Variants in SAMMSON observed in about 807,000 individuals in gnomAD.
SAMMSON encodes the protein survival associated mitochondrial melanoma specific oncogenic non-coding RNA.
chr3:70,393,301 A>T (rs1701064758), downstream of SAMMSON, among the ~76,000 whole-genome samples: 1 of 152,232 alleles, frequency 6.6e-6, no homozygotes, highest in Non-Finnish European at 1.5e-5. Flanking sequence ...AAACTCTATG[A>T]GCCTCCATTT....
chr3:70,006,244 C>T (rs2066925905), intron 1 of SAMMSON, among the ~76,000 whole-genome samples: 1 of 152,176 alleles, frequency 6.6e-6, no homozygotes, highest in African/African-American at 2.4e-5. Context: ...GTAATAAAAA[C>T]CTCAAATGCT....
At chr3:70,187,815 G>A (rs1701103314) in intron 4 of SAMMSON, among the ~76,000 whole-genome samples, 1 of 152,130 alleles carries the variant, frequency 6.6e-6, no homozygotes, top group African/African-American at 2.4e-5. Flanking sequence ...TTGCTCTGCA[G>A]TGTGGTGCTT....
intron 6 of SAMMSON, among the ~76,000 whole-genome samples, chr3:70,289,847 T>C (rs1234652265): frequency 2.3e-4 from 35 of 152,128 alleles, no homozygotes; most frequent in African/African-American, 6.7e-4. Context: ...TCCAGTTGAT[T>C]GCATCGGCTC....
At chr3:70,136,933 AAG>A (rs1210929136) in intron 4 of SAMMSON, among the ~76,000 whole-genome samples, 2 of 152,214 alleles carry the variant, frequency 1.3e-5, no homozygotes, top group East Asian at 1.9e-4. Context: ...ACATTTCAAT[AAG>A]AGTCTTTATG....
At chr3:70,148,849 A>T (rs1478240855) in intron 4 of SAMMSON, among the ~76,000 whole-genome samples, 1 of 152,078 alleles carries the variant, frequency 6.6e-6, no homozygotes, top group African/African-American at 2.4e-5. Context: ...GGGGGAACAA[A>T]TATCCAAATG....
intron 4 of SAMMSON, among the ~76,000 whole-genome samples, chr3:70,167,165 G>T (rs79754750): frequency 6.6e-6 from 1 of 151,714 alleles, no homozygotes; most frequent in Non-Finnish European, 1.5e-5. Context: ...TACTGTACAC[G>T]TTATATTTTA....
intron 4 of SAMMSON, among the ~76,000 whole-genome samples, chr3:70,208,859 T>G (rs1021327769): frequency 6.6e-6 from 1 of 152,120 alleles, no homozygotes; most frequent in Admixed American, 6.6e-5. Context: ...ATTCTCTTCC[T>G]TTTATGTGCT....
At chr3:69,999,778 G>C (rs1228053679), upstream of SAMMSON, 1 of 152,428 alleles carries the variant, frequency 6.6e-6, no homozygotes, top group African/African-American at 2.4e-5. Context: ...ACACATCCGG[G>C]GAAGAAGACA....
chr3:70,400,556 A>G (rs1221689930), intron 2 of SAMMSON, among the ~76,000 whole-genome samples: 1 of 152,160 alleles, frequency 6.6e-6, no homozygotes, highest in Non-Finnish European at 1.5e-5. Flanking sequence ...AGCCAAATAA[A>G]CATCTTTTCT....
chr3:70,333,383 T>C lies in SAMMSON; in HGVS notation n.740-20792T>C, dbSNP rs148170240. 3.0e-3 allele frequency among the ~76,000 whole-genome samples: 453 copies of C among 152,002 alleles called. 7 individuals are homozygous for C. Among genetic ancestry groups the C allele is most frequent in the African/African-American group, 0.01 (424 of 41,528 alleles). Reference sequence around the variant, plus strand: ...ATAAGTAAATTAAAATAATAAAAAATATTTAAATATTCAAATGGTTATATA... The same window carrying C: ...ATAAGTAAATTAAAATAATAAAAAACATTTAAATATTCAAATGGTTATATA... On this transcript the variant is annotated intron_variant and non_coding_transcript_variant, in intron 7 of 9. Transcript: ENST00000642114.
chr3:70,229,709 T>C (rs1464171907), intron 4 of SAMMSON, among the ~76,000 whole-genome samples: 2 of 152,050 alleles, frequency 1.3e-5, no homozygotes, highest in African/African-American at 2.4e-5. Flanking sequence ...AGCCACAAAA[T>C]AGAAAAAGCC....
intron 4 of SAMMSON, among the ~76,000 whole-genome samples, chr3:70,168,646 A>G (rs757889799): frequency 2.0e-5 from 3 of 152,050 alleles, no homozygotes; most frequent in Non-Finnish European, 2.9e-5. Flanking sequence ...AGCCAACATC[A>G]GCACTAATGT....
At chr3:70,338,043 A>G (rs997899478) in intron 7 of SAMMSON, among the ~76,000 whole-genome samples, 7 of 151,634 alleles carry the variant, frequency 4.6e-5, no homozygotes, top group African/African-American at 1.7e-4. Flanking sequence ...TTTATTGACC[A>G]AAATTTATAA....
intron 2 of SAMMSON, among the ~76,000 whole-genome samples, chr3:70,423,971 T>C (rs867054435): frequency 2.1e-4 from 32 of 152,320 alleles, no homozygotes; most frequent in Admixed American, 1.6e-3. Context: ...CCTTTGTTGG[T>C]CTATTGTCTA....
At chr3:70,421,377 A>T (rs1360315306) in intron 2 of SAMMSON, among the ~76,000 whole-genome samples, 2 of 152,144 alleles carry the variant, frequency 1.3e-5, no homozygotes, top group African/African-American at 2.4e-5. Context: ...TCTCAAATTA[A>T]TCCCTTTCCT....
At chr3:70,393,822 G>C (rs116586251), downstream of SAMMSON, among the ~76,000 whole-genome samples, 1 of 152,104 alleles carries the variant, frequency 6.6e-6, no homozygotes, top group East Asian at 1.9e-4. Context: ...AGGTGGTCTG[G>C]GGCTGGCCAG....
intron 2 of SAMMSON, among the ~76,000 whole-genome samples, chr3:70,395,348 T>TTTTTTTG (rs545231969): frequency 3.9e-4 from 58 of 149,836 alleles, no homozygotes; most frequent in African/African-American, 1.4e-3. Context: ...TTTTTTTTTT[T>TTTTTTTG]TGTGTTGTTG....
chr3:70,157,433 CTG>C (rs1351076182), intron 4 of SAMMSON, among the ~76,000 whole-genome samples: 3 of 152,034 alleles, frequency 2.0e-5, no homozygotes, highest in Non-Finnish European at 2.9e-5. Flanking sequence ...AATAGTATGA[CTG>C]TGCTTATCAT....
intron 4 of SAMMSON, among the ~76,000 whole-genome samples, chr3:70,090,389 G>A (rs76742904): frequency 0.015 from 2,248 of 152,242 alleles, 27 homozygotes; most frequent in Non-Finnish European, 0.022. Flanking sequence ...TTTAGCTTGT[G>A]AAATTGAACA....
Sources: gnomAD v4.1 joint callset for allele counts (sites outside exome capture counted in the v4.1 genomes callset) on GRCh38, gnomAD v4.1.1 for gene constraint, MANE v1.5 for transcripts, NCBI Gene and HGNC (gene_info 2026-07-23, HGNC 2026-07-21) for gene names.